SAMD12: variants seen among roughly 807,000 people sequenced by gnomAD.
The protein encoded by SAMD12 is sterile alpha motif domain-containing protein 12.
In SAMD12, 9 loss-of-function variants were observed where a neutral mutation model predicts 15.0. That is an observed-to-expected ratio of 0.60 (90% CI 0.36 to 1.05). The LOEUF is 1.05. Among genes scored for constraint, SAMD12 ranks in the 50% least tolerant of loss-of-function variants. The probability of loss-of-function intolerance (pLI) is 0.01; values close to 1 mark genes in which losing one functional copy is unlikely to be tolerated. For missense variants in SAMD12, 230 were observed against 234.2 expected (o/e 0.98, Z 0.12); for synonymous variants, 86 against 90.1 (o/e 0.96, Z 0.25).
At chr8:118,615,438 A>G (rs2131323224) in intron 1 of SAMD12, among the ~76,000 whole-genome samples, 1 of 152,098 alleles carries the variant, frequency 6.6e-6, no homozygotes, top group East Asian at 1.9e-4. Context: ...GAGTGGGCTA[A>G]GCTCCCTTTC....
At chr8:118,583,578 C>T (rs1281124872) in intron 1 of SAMD12, among the ~76,000 whole-genome samples, 3 of 152,014 alleles carry the variant, frequency 2.0e-5, no homozygotes, top group Admixed American at 1.3e-4. Context: ...ATTCTCTTCC[C>T]CTATCACCTC....
chr8:118,620,233 G>A (rs2131332568), intron 1 of SAMD12, among the ~76,000 whole-genome samples: 1 of 152,238 alleles, frequency 6.6e-6, no homozygotes, highest in East Asian at 1.9e-4. Flanking sequence ...GGACACAGGA[G>A]TGGTGAAGAC....
At chr8:118,375,723 T>G (rs578184334), downstream of SAMD12, 6 of 152,284 alleles carry the variant, frequency 3.9e-5, no homozygotes, top group East Asian at 7.7e-4. Context: ...ATTTTATTCC[T>G]TTAAATAGTT....
chr8:118,199,062 GATGATT>G (rs1819641018), intron 4 of SAMD12, among the ~76,000 whole-genome samples: 2 of 152,072 alleles, frequency 1.3e-5, no homozygotes, highest in South Asian at 4.2e-4. Flanking sequence ...TACTAATTAT[GATGATT>G]ATGATTATGT....
At chr8:118,199,108 C>T (rs1043597707) in intron 4 of SAMD12, among the ~76,000 whole-genome samples, 5 of 151,998 alleles carry the variant, frequency 3.3e-5, no homozygotes, top group African/African-American at 1.2e-4. Context: ...TGATATACTA[C>T]AATATAAAGC....
intron 4 of SAMD12, among the ~76,000 whole-genome samples, chr8:118,312,862 CT>C (rs1260361855): frequency 4.6e-5 from 7 of 152,136 alleles, no homozygotes; most frequent in African/African-American, 1.7e-4. Flanking sequence ...CCAGACTAAA[CT>C]CATAGATGAC....
intron 2 of SAMD12, among the ~76,000 whole-genome samples, chr8:118,529,927 A>G (rs972360397): frequency 2.6e-5 from 4 of 152,128 alleles, no homozygotes; most frequent in African/African-American, 9.7e-5. Context: ...TGATAGTTCT[A>G]TTTTTAGTTC....
downstream of SAMD12, among the ~76,000 whole-genome samples, chr8:118,187,929 T>C (rs1819271155): frequency 6.6e-6 from 1 of 152,080 alleles, no homozygotes; most frequent in African/African-American, 2.4e-5. Flanking sequence ...AACTATGATG[T>C]TGAGCAACTA....
At chr8:118,591,960 G>A (rs995554039) in intron 1 of SAMD12, among the ~76,000 whole-genome samples, 4 of 152,128 alleles carry the variant, frequency 2.6e-5, no homozygotes, top group Middle Eastern at 3.2e-3. Context: ...CATGAAGGTG[G>A]TGATACCTAT....
intron 3 of SAMD12, among the ~76,000 whole-genome samples, chr8:118,397,713 T>C (rs2130776849): frequency 6.6e-6 from 1 of 152,294 alleles, no homozygotes; most frequent in South Asian, 2.1e-4. Context: ...CAATTTCTCA[T>C]TCCTTAATCT....
intron 4 of SAMD12, among the ~76,000 whole-genome samples, chr8:118,323,959 GTTTTCT>G (rs1816438935): frequency 6.6e-6 from 1 of 151,904 alleles, no homozygotes; most frequent in Non-Finnish European, 1.5e-5. Flanking sequence ...GAAGATTATT[GTTTTCT>G]TTTTAATACT....
At chr8:118,216,827 A>G (rs1435425890) in intron 4 of SAMD12, among the ~76,000 whole-genome samples, 19 of 152,200 alleles carry the variant, frequency 1.2e-4, no homozygotes, top group Non-Finnish European at 5.9e-5. Flanking sequence ...TATTCTCAAC[A>G]TTTCTTGACA....
the SAMD12 span, among the ~76,000 whole-genome samples, chr8:118,149,703 T>C: frequency 6.6e-6 from 1 of 152,208 alleles, no homozygotes; most frequent in African/African-American, 2.4e-5. Flanking sequence ...TTTTATAGTT[T>C]TAAGTTCTGC....
At chr8:118,280,981 T>C (rs946629755) in intron 4 of SAMD12, among the ~76,000 whole-genome samples, 8 of 152,232 alleles carry the variant, frequency 5.3e-5, no homozygotes, top group African/African-American at 1.4e-4. Flanking sequence ...ATCCTAATCA[T>C]AGTCTTCGTA....
At chr8:118,447,719 T>TTTA (rs1822959465) in intron 2 of SAMD12, among the ~76,000 whole-genome samples, 1 of 148,604 alleles carries the variant, frequency 6.7e-6, no homozygotes, top group Non-Finnish European at 1.5e-5. Context: ...TATTTATTTA[T>TTTA]TTATTTATTT....
rs577501280 is a variant in SAMD12 at position 118,398,282 on chromosome 8, C to T, written c.323-18582G>A. 7.2e-5 allele frequency among the ~76,000 whole-genome samples: 11 copies of T among 152,224 alleles called. No homozygotes were observed. The East Asian group carries it at 2.1e-3, about 29-fold the overall frequency. ...GGCATGGTGGCACATGCCCATAATC[C>T]CAGCTACTAGGAAGGTTGAGGCAGG... On this transcript the variant is annotated intron_variant, in intron 3 of 3. Transcript: ENST00000314727.
At chr8:118,342,453 C>T (rs1213762646) in intron 4 of SAMD12, among the ~76,000 whole-genome samples, 1 of 152,166 alleles carries the variant, frequency 6.6e-6, no homozygotes, top group Non-Finnish European at 1.5e-5. Context: ...CTATCATGCC[C>T]ACAAGAGAAA....
intron 2 of SAMD12, among the ~76,000 whole-genome samples, chr8:118,553,229 T>C (rs890017708): frequency 2.6e-5 from 4 of 152,228 alleles, no homozygotes; most frequent in Non-Finnish European, 4.4e-5. Flanking sequence ...GCCAAGGCAA[T>C]CCTAAGCCAA....
exon 5 of SAMD12, chr8:118,189,885 C>CACATA (rs1412527137): frequency 6.8e-6 from 1 of 146,542 alleles, no homozygotes. Context: ...CTTGTTTTAC[C>CACATA]ACATAACTTG....
Sources: allele counts gnomAD v4.1 joint callset (sites outside exome capture counted in the v4.1 genomes callset), GRCh38; gene constraint gnomAD v4.1.1; transcripts MANE v1.5; gene names NCBI Gene and HGNC (gene_info 2026-07-23, HGNC 2026-07-21).